Variants in DYDC1 observed in about 807,000 individuals in gnomAD.
The protein encoded by DYDC1 is DPY30 domain-containing protein 1.
In DYDC1, 21 loss-of-function variants were observed where a neutral mutation model predicts 27.9. That is an observed-to-expected ratio of 0.75 (90% CI 0.53 to 1.08). The LOEUF is 1.08. Ranked by LOEUF, DYDC1 falls within the 50% of genes least tolerant of loss-of-function variation. The pLI is 0.00. For missense variants in DYDC1, 202 were observed against 205.9 expected (o/e 0.98, Z 0.12); for synonymous variants, 67 against 65.8 (o/e 1.02, Z -0.09).
chr10:80,346,747 A>T (rs141733600), intron 3 of DYDC1, among the ~76,000 whole-genome samples: 6,536 of 151,716 alleles, frequency 0.043, 164 homozygotes, highest in Middle Eastern at 0.13. Flanking sequence ...GGTGTGAGCC[A>T]CTGCCCCCGG....
chr10:80,338,612 A>G (rs1842215898), intron 5 of DYDC1, 41 bp from the exon 6 acceptor site: 1 of 1,484,394 alleles, frequency 6.7e-7, no homozygotes, highest in Non-Finnish European at 9.0e-7. Context: ...AATGATTTCA[A>G]AATTAATACA....
intron 3 of DYDC1, chr10:80,344,722 T>A (rs1269337878): frequency 3.3e-6 from 1 of 307,074 alleles, no homozygotes; most frequent in Admixed American, 3.5e-5. Flanking sequence ...GGTTTCCACT[T>A]TTGCTTCTTC....
In DYDC1 at chr10:80,349,544, T is replaced by G. The variant is rs541958813; in HGVS notation, c.249+2357A>C. 1.7e-3 allele frequency among the ~76,000 whole-genome samples: 252 copies of G among 152,330 alleles called. 2 individuals are homozygous for G. Among genetic ancestry groups the G allele is most frequent in the African/African-American group, 6.0e-3 (248 of 41,566 alleles). ...TGCTTGATATTTTATTTGCAAAAGC[T>G]TTTAAAGGTAATTTCTTAGTATTCC... is the stretch of plus-strand genomic sequence containing the variant. On this transcript the variant is annotated intron_variant, in intron 3 of 6. Transcript: ENST00000372202.
chr10:80,345,821 T>C (rs548009453), intron 3 of DYDC1, among the ~76,000 whole-genome samples: 9 of 152,270 alleles, frequency 5.9e-5, no homozygotes, highest in Non-Finnish European at 8.8e-5. Flanking sequence ...GTGATACATA[T>C]ATGTGAGATA....
rs80353357 is a variant in DYDC1 at position 80,340,575 on chromosome 10, G to A, written c.343-1422C>T. 8.9e-3 allele frequency among the ~76,000 whole-genome samples: 1,362 copies of A among 152,266 alleles called. 17 individuals carry two copies. The highest frequency in any genetic ancestry group is 0.031 in the African/African-American group (1,294 of 41,552). On this transcript the variant is annotated intron_variant, in intron 4 of 6. Transcript: ENST00000372202. Reference sequence around the variant, plus strand: ...ATGGACTTTGAAGCACTTTAATGTAGCTATCAGGTCACTTTGATTAAAAAT... The same window carrying A: ...ATGGACTTTGAAGCACTTTAATGTAACTATCAGGTCACTTTGATTAAAAAT...
chr10:80,338,535 T>C lies in DYDC1; in HGVS notation c.436A>G (p.Ile146Val). The C allele has an allele frequency of 6.2e-7, 1 of 1,609,944 alleles. No homozygotes were observed. Among genetic ancestry groups the C allele is most frequent in the Non-Finnish European group, 8.5e-7 (1 of 1,178,560 alleles). ...TTAGGTGCTCCATAACGATCGCTGA[T>C]TTCAGCTAGTGTTTTGCCTGAGTCT... is the stretch of plus-strand genomic sequence containing the variant. ...TLDSGKTLAE[I>V]SDRYGAPNLS... The change falls in exon 6 of 7, where the codon ATC (isoleucine) becomes GTC (valine). Residue 146 changes from isoleucine to valine, a missense_variant. Ile to Val is a conservative substitution (Grantham distance 29). Coordinates refer to ENST00000372202, the MANE Select transcript of DYDC1 (RefSeq NM_001269053.2).
rs756671502 is a variant in DYDC1 at position 80,342,341 on chromosome 10, T to TA, written c.269dup (p.Glu91ArgfsTer35). ...TCTCCTTTTCTTGCATTTCCAACTCTAGCTGCAATGCCAGCTGTTGCTGAA... is the reference window on the plus strand; with the variant it reads ...TCTCCTTTTCTTGCATTTCCAACTCTAAGCTGCAATGCCAGCTGTTGCTGAA... On this transcript the variant is annotated frameshift_variant, in exon 4 of 7. Transcript: ENST00000372202. LOFTEE classifies it high-confidence loss of function. The TA allele has an allele frequency of 3.1e-6, 5 of 1,613,630 alleles. No individual in the cohort carries two copies. The East Asian group carries it at 1.1e-4, about 36-fold the overall frequency.
chr10:80,350,305 C>A (rs1421582071), intron 3 of DYDC1, among the ~76,000 whole-genome samples: 8 of 152,152 alleles, frequency 5.3e-5, no homozygotes, highest in Admixed American at 5.2e-4. Context: ...AGTAGTCGAG[C>A]CGAAGAGAGT....
rs1282645336 is a variant in DYDC1 at position 80,338,651 on chromosome 10, T to G, written c.400-80A>C. The G allele has an allele frequency of 1.4e-5, 19 of 1,358,548 alleles. No homozygotes were observed. The East Asian group carries it at 5.1e-4, about 36-fold the overall frequency. The allele number at this position is 1,358,548 out of a possible 1,614,324, so 84.2% of individuals were successfully genotyped here. A position where few individuals can be genotyped will look rare whatever the true frequency, so the allele number is the denominator to read the frequency against. On this transcript the variant is annotated intron_variant, in intron 5 of 6. Transcript: ENST00000372202. Reference sequence around the variant, plus strand: ...CTTTTCTTTCAATTTTGATTAAAAATTTTCTGATTTATAACATTAAAATTC... The same window carrying G: ...CTTTTCTTTCAATTTTGATTAAAAAGTTTCTGATTTATAACATTAAAATTC...
At chr10:80,352,031 G>A (rs370225892) in intron 2 of DYDC1, 29 bp from the exon 3 acceptor site, 258 of 1,602,446 alleles carry the variant, frequency 1.6e-4, no homozygotes, top group Non-Finnish European at 1.9e-4. Context: ...AACAGCACAC[G>A]ACTTCTTAGC....
At chr10:80,356,596 G>A (rs910701586) in intron 1 of DYDC1, 116 bp downstream of exon 1, 2 of 985,418 alleles carry the variant, frequency 2.0e-6, no homozygotes, top group African/African-American at 3.5e-5. Context: ...CTCCGCCTCA[G>A]GTGAGTCCTG....
In DYDC1 at chr10:80,342,304, G is replaced by T. The variant is rs1429997652; in HGVS notation, c.307C>A (p.Gln103Lys). The T allele has an allele frequency of 6.2e-7, 1 of 1,613,902 alleles. No homozygotes were observed. Among genetic ancestry groups the T allele is most frequent in the Admixed American group, 1.7e-5 (1 of 60,016 alleles). The change falls in exon 4 of 7, where the codon CAA (glutamine) becomes AAA (lysine). Residue 103 changes from glutamine (Q) to lysine (K), a missense_variant. Transcript: ENST00000372202. The part of the protein sequence containing the change: ...EMQEKERQRI[Q>K]ELQRAQEQLG... ...TGTTCTTGAGCTCTCTGTAGTTCTT[G>T]TATTCTCTGCCTCTCCTTTTCTTGC...
chr10:80,341,946 C>T (rs1419156973), intron 4 of DYDC1, among the ~76,000 whole-genome samples: 1 of 150,188 alleles, frequency 6.7e-6, no homozygotes, highest in East Asian at 2.0e-4. Context: ...ATCACTTGAA[C>T]CTGGGAGGCC....
At chr10:80,342,444 TACAATACATGGTC>T (rs143004348) in intron 3 of DYDC1, 83 bp from the exon 4 acceptor site, 26,833 of 1,320,554 alleles carry the variant, frequency 0.02, 1,619 homozygotes, top group East Asian at 0.15. Context: ...TTCAGAAACT[TACAATACATGGTC>T]ACATCCAACT....
chr10:80,349,191 C>T (rs1459602187), intron 3 of DYDC1, among the ~76,000 whole-genome samples: 1 of 152,128 alleles, frequency 6.6e-6, no homozygotes, highest in East Asian at 1.9e-4. Context: ...GCGCCCGGCC[C>T]GCAGATAAAT....
Position 80,352,483 on chromosome 10 carries a change from T to C in DYDC1, c.119A>G (p.Tyr40Cys), listed in dbSNP as rs1429409789. The change falls in exon 2 of 7, where the codon TAT becomes TGT. Residue 40 changes from tyrosine to cysteine, a missense_variant. Transcript: ENST00000372202. ...TTGTTCCATGGTCACATTTTCCTTA[T>C]ACTTGTAAATCCACAATGCTAAATA... is the stretch of plus-strand genomic sequence containing the variant. ...IEYLALWIYKYKENVTMEQLR... is the reference protein window; with the variant it reads ...IEYLALWIYKCKENVTMEQLR... 5 of 1,610,664 alleles carry C rather than the reference T, an allele frequency of 3.1e-6. No homozygotes were observed. The highest frequency in any genetic ancestry group is 2.7e-5 in the African/African-American group (2 of 74,812).
chr10:80,340,358 C>G (rs1842278202), intron 4 of DYDC1, among the ~76,000 whole-genome samples: 1 of 152,218 alleles, frequency 6.6e-6, no homozygotes, highest in East Asian at 1.9e-4. Context: ...GTGGACTCAT[C>G]TCTGAGCAAT....
rs557025870 is a variant in DYDC1, at chr10:80,337,089, T to C, written c.505-904A>G. ...ACCATTTTCCTAGCTCCATGGACGT[T>C]AGCCATTAATACTGGATGACTTCAG... On this transcript the variant is annotated intron_variant, in intron 6 of 6. Coordinates refer to ENST00000372202, the MANE Select transcript of DYDC1 (RefSeq NM_001269053.2). 6 of 974,474 alleles carry C rather than the reference T, an allele frequency of 6.2e-6. No homozygotes were observed. In the East Asian group the frequency reaches 3.4e-4, roughly 56 times the overall value. The allele number at this position is 974,474 out of a possible 1,614,324, so 60.4% of individuals were successfully genotyped here.
chr10:80,337,496 C>T, intron 6 of DYDC1: 5 of 948,934 alleles, frequency 5.3e-6, no homozygotes, highest in African/African-American at 1.8e-5. Flanking sequence ...TTTTCTTCCC[C>T]ACACTGTTAC....
Sources: allele counts gnomAD v4.1 joint callset (sites outside exome capture counted in the v4.1 genomes callset), GRCh38; gene constraint gnomAD v4.1.1; transcripts MANE v1.5; gene names NCBI Gene and HGNC (gene_info 2026-07-23, HGNC 2026-07-21).